The following NRG1 variants were observed in gnomAD, a reference collection of about 807,000 sequenced individuals.
The protein encoded by NRG1 is pro-neuregulin-1, membrane-bound isoform.
A neutral mutation model predicts 63.8 loss-of-function variants in NRG1; 18 were observed. That is an observed-to-expected ratio of 0.28 (90% CI 0.19 to 0.42). NRG1 has a LOEUF of 0.42. Among genes scored for constraint, NRG1 ranks in the 10% least tolerant of loss-of-function variants. The probability of loss-of-function intolerance (pLI) is 1.00; values close to 1 mark genes in which losing one functional copy is unlikely to be tolerated. For missense variants in NRG1, 762 were observed against 814.7 expected, an observed-to-expected ratio of 0.94 and a Z score of 0.79; for synonymous variants, 302 against 301.3, an observed-to-expected ratio of 1.00 and a Z score of -0.02.
At chr8:32,301,972 G>C (rs11779728) in intron 1 of NRG1, among the ~76,000 whole-genome samples, 16,521 of 152,176 alleles carry the variant, frequency 0.11, 1,141 homozygotes, top group Non-Finnish European at 0.15. Flanking sequence ...ATGCTGACTG[G>C]GGGGAGTGAA....
intron 1 of NRG1, among the ~76,000 whole-genome samples, chr8:31,794,187 A>G (rs1820979059): frequency 6.6e-6 from 1 of 152,116 alleles, no homozygotes; most frequent in Admixed American, 6.6e-5. Flanking sequence ...TTATTTCCAG[A>G]TGACCCAAAT....
chr8:32,738,776 A>G (rs1428395730), intron 6 of NRG1, among the ~76,000 whole-genome samples: 1 of 152,238 alleles, frequency 6.6e-6, no homozygotes, highest in Non-Finnish European at 1.5e-5. Flanking sequence ...GCATATGCAG[A>G]AACTATCTCA....
At position 32,209,752 on chromosome 8, in the gene NRG1, TCC is replaced by T. The variant is rs1844481024; in HGVS notation, c.38-386075_38-386074del. 3.4e-5 allele frequency among the ~76,000 whole-genome samples: 5 copies of T among 148,728 alleles called. No homozygotes were observed. In the South Asian group the frequency reaches 1.1e-3, roughly 34 times the overall value. ...TTCCTTCCTTCCTTCCTTCCTTCCT[TCC>T]TTCCTTCCTTCCTTCCTTCCTTCTT... On this transcript the variant is annotated intron_variant, in intron 1 of 10. Transcript: ENST00000519301.
chr8:31,960,042 T>C (rs1805191251), intron 1 of NRG1, among the ~76,000 whole-genome samples: 1 of 152,160 alleles, frequency 6.6e-6, no homozygotes, highest in African/African-American at 2.4e-5. Flanking sequence ...TAATTAGGTC[T>C]GTCCTTTAGA....
chr8:31,832,592 C>T (rs1216284541), intron 1 of NRG1, among the ~76,000 whole-genome samples: 1 of 152,004 alleles, frequency 6.6e-6, no homozygotes, highest in Non-Finnish European at 1.5e-5. Context: ...CAGAGAATGG[C>T]TGCAATTTAG....
rs549268667 is a variant in NRG1, at chr8:32,004,109, C to G, written c.37+364678C>G. 7.2e-5 allele frequency among the ~76,000 whole-genome samples: 11 copies of G among 151,950 alleles called. No individual in the cohort carries two copies. The South Asian group carries it at 1.2e-3, about 17-fold the overall frequency. On this transcript the variant is annotated intron_variant, in intron 1 of 10. Coordinates refer to the NRG1 transcript ENST00000519301. ...CATGGAAGAACCTTAAATATACATT[C>G]CTAAGTGGCAGAAGCCAGTCTGAAA...
intron 1 of NRG1, among the ~76,000 whole-genome samples, chr8:31,834,679 C>A (rs1384077971): frequency 6.6e-6 from 1 of 152,102 alleles, no homozygotes; most frequent in African/African-American, 2.4e-5. Flanking sequence ...TCACTACACT[C>A]CAGTCTGTGT....
intron 1 of NRG1, among the ~76,000 whole-genome samples, chr8:32,485,374 GGGAT>G (rs560053470): frequency 6.6e-4 from 98 of 148,628 alleles, no homozygotes; most frequent in Middle Eastern, 8.1e-3. Context: ...CCAAAGTGCT[GGGAT>G]TACTGGCGTG....
chr8:32,509,865 T>A (rs1371054496), intron 1 of NRG1, among the ~76,000 whole-genome samples: 1 of 152,156 alleles, frequency 6.6e-6, no homozygotes, highest in African/African-American at 2.4e-5. Context: ...GGAGCTAATA[T>A]GTTTAGAAGT....
chr8:31,835,117 C>T (rs1257533965), intron 1 of NRG1, among the ~76,000 whole-genome samples: 2 of 152,078 alleles, frequency 1.3e-5, no homozygotes, highest in African/African-American at 4.8e-5. Flanking sequence ...TTAGTGGATG[C>T]CAGTATACTA....
chr8:32,003,924 T>C (rs1347629823), intron 1 of NRG1, among the ~76,000 whole-genome samples: 1 of 151,848 alleles, frequency 6.6e-6, no homozygotes, highest in Non-Finnish European at 1.5e-5. Context: ...ATTTATATTT[T>C]ATTAAAATAT....
intron 1 of NRG1, among the ~76,000 whole-genome samples, chr8:32,447,213 C>T (rs916323360): frequency 1.8e-4 from 28 of 151,438 alleles, no homozygotes; most frequent in South Asian, 4.2e-4. Context: ...TTAGTAGAGA[C>T]GGGGTTTCAC....
chr8:31,747,282 G>A (rs1294720013), intron 1 of NRG1, among the ~76,000 whole-genome samples: 2 of 151,802 alleles, frequency 1.3e-5, no homozygotes, highest in Non-Finnish European at 2.9e-5. Flanking sequence ...CATGTACCCC[G>A]TGAATATATA....
At chr8:32,120,344 C>T (rs911449879) in intron 1 of NRG1, among the ~76,000 whole-genome samples, 12 of 151,934 alleles carry the variant, frequency 7.9e-5, no homozygotes, top group Non-Finnish European at 1.6e-4. Context: ...GATAAAAATA[C>T]CTGTTAGACC....
chr8:32,745,188 G>C (rs1011645451), intron 7 of NRG1, among the ~76,000 whole-genome samples: 1 of 152,074 alleles, frequency 6.6e-6, no homozygotes, highest in Admixed American at 6.6e-5. Context: ...TGTTCAAGTA[G>C]CAGTGAAAGC....
chr8:32,422,041 T>C (rs1034111687), intron 1 of NRG1, among the ~76,000 whole-genome samples: 2 of 152,134 alleles, frequency 1.3e-5, no homozygotes, highest in South Asian at 4.1e-4. Context: ...AGGTACAGTG[T>C]ACATTATGTG....
At chr8:32,701,832 C>A (rs1218451905) in intron 5 of NRG1, among the ~76,000 whole-genome samples, 1 of 152,086 alleles carries the variant, frequency 6.6e-6, no homozygotes, top group Non-Finnish European at 1.5e-5. Context: ...AACGTGAAAC[C>A]TTGGTAAATA....
intron 1 of NRG1, among the ~76,000 whole-genome samples, chr8:32,448,988 G>T (rs13266179): frequency 6.6e-6 from 1 of 152,050 alleles, no homozygotes; most frequent in South Asian, 2.1e-4. Flanking sequence ...GAGGAAAGCG[G>T]TGTTTAAAAT....
chr8:32,169,804 G>T (rs1199591434), intron 1 of NRG1, among the ~76,000 whole-genome samples: 1 of 152,138 alleles, frequency 6.6e-6, no homozygotes, highest in Non-Finnish European at 1.5e-5. Context: ...TCTGTTATGG[G>T]TTGAATTATT....
Sources: gnomAD v4.1 joint callset for allele counts (sites outside exome capture counted in the v4.1 genomes callset) on GRCh38, gnomAD v4.1.1 for gene constraint, MANE v1.5 for transcripts, NCBI Gene and HGNC (gene_info 2026-07-23, HGNC 2026-07-21) for gene names.